Variants in SRSF7 observed in about 807,000 individuals in gnomAD.
SRSF7 encodes the protein serine and arginine rich splicing factor 7, also known as serine/arginine-rich splicing factor 7.
Under a neutral mutation model 42.2 loss-of-function variants are expected in SRSF7, and 15 were observed. The observed-to-expected ratio is 0.36, with a 90% CI of 0.24 to 0.55. The LOEUF is 0.55. Among genes scored for constraint, SRSF7 ranks in the 20% least tolerant of loss-of-function variants. SRSF7 has a pLI of 0.88. For synonymous variants in SRSF7, 138 were observed against 107.9 expected (o/e 1.28, Z -1.73); for missense variants, 181 against 305.9 (o/e 0.59, Z 3.04).
chr2:38,748,529 C>G, intron 4 of SRSF7, 50 bp downstream of exon 4: 1 of 1,557,480 alleles, frequency 6.4e-7, no homozygotes, highest in Non-Finnish European at 8.9e-7. Flanking sequence ...GTTGGACTAC[C>G]AGTGAATTTA....
intron 5 of SRSF7, among the ~76,000 whole-genome samples, chr2:38,747,562 C>T (rs146264632): frequency 1.3e-5 from 2 of 151,876 alleles, no homozygotes; most frequent in Admixed American, 1.3e-4. Context: ...AGGTCTGAAA[C>T]GGTCTAAAAA....
chr2:38,745,164 C>T lies in SRSF7; in HGVS notation c.686G>A (p.Arg229His). 16 of 1,614,124 alleles carry T rather than the reference C, an allele frequency of 9.9e-6. No homozygotes were observed. The highest frequency in any genetic ancestry group is 1.4e-5 in the Non-Finnish European group (16 of 1,179,998). The change falls in exon 8 of 8, where the codon CGC becomes CAC. Residue 229 changes from arginine to histidine, a missense_variant. Physicochemically the swap from Arg to His is conservative, Grantham distance 29 (BLOSUM62 0). Around this residue, in one of 2 missense-constraint regions of SRSF7, gnomAD observed 136 missense variants for 147.8 expected, o/e 0.92. Coordinates refer to ENST00000313117, the MANE Select transcript of SRSF7 (RefSeq NM_001031684.3). ...KRSRSPSGSPRRSASPERMD is the reference protein window; with the variant it reads ...KRSRSPSGSPHRSASPERMD ...CATTCTTTCAGGACTTGCACTTCTGCGAGGACTTCCTGATGGGGAACGACT... is the reference window on the plus strand; with the variant it reads ...CATTCTTTCAGGACTTGCACTTCTGTGAGGACTTCCTGATGGGGAACGACT...
At chr2:38,749,909 CTA>C (rs1668027452) in intron 2 of SRSF7, 103 bp downstream of exon 2, 10 of 1,338,464 alleles carry the variant, frequency 7.5e-6, no homozygotes, top group Non-Finnish European at 9.2e-6. Context: ...CTATGACCAG[CTA>C]TTTAAGGTCT....
chr2:38,751,313 G>A lies in SRSF7; in HGVS notation c.-57C>T. 9.9e-6 allele frequency: 16 copies of A among 1,612,116 alleles called. No individual in the cohort carries two copies. In the African/African-American group the frequency reaches 1.6e-4, roughly 16 times the overall value. ...AAGCAGCGCCCAGGGCTCGAGTGACGCAAAAGCTGACACACACCTTCACCC... is the reference window on the plus strand; with the variant it reads ...AAGCAGCGCCCAGGGCTCGAGTGACACAAAAGCTGACACACACCTTCACCC... On this transcript the variant is annotated 5_prime_UTR_variant, in exon 1 of 8. Coordinates refer to ENST00000313117, the MANE Select transcript of SRSF7 (RefSeq NM_001031684.3).
Position 38,749,526 on chromosome 2 carries a change from T to A in SRSF7, c.386+3A>T. The stretch of plus-strand genomic sequence containing the variant: ...CCAACCATTCCTTTATTAAAATAAA[T>A]ACCTGCTTCTTCTTCGCCGGCTGTA... On this transcript the variant is annotated splice_donor_region_variant and intron_variant, in intron 3 of 7. Coordinates refer to ENST00000313117, the MANE Select transcript of SRSF7 (RefSeq NM_001031684.3). The A allele has an allele frequency of 6.4e-7, 1 of 1,561,082 alleles. No homozygotes were observed.
intron 2 of SRSF7, 133 bp from the exon 3 acceptor site, chr2:38,749,838 C>T (rs1232619426): frequency 1.4e-5 from 18 of 1,273,652 alleles, no homozygotes; most frequent in Non-Finnish European, 1.9e-5. Context: ...GCGGTCTTTA[C>T]CAAGCCCTAA....
At chr2:38,748,852 T>G in intron 3 of SRSF7, 199 bp from the exon 4 acceptor site, 1 of 1,347,072 alleles carries the variant, frequency 7.4e-7, no homozygotes, top group East Asian at 2.6e-5. Context: ...AATTACAACT[T>G]AGCATTACAT....
At chr2:38,746,892 T>C in intron 5 of SRSF7, 145 bp from the exon 6 acceptor site, 2 of 1,374,822 alleles carry the variant, frequency 1.5e-6, no homozygotes, top group Non-Finnish European at 2.0e-6. Flanking sequence ...TCTAACACAC[T>C]GTCAAACAAA....
In SRSF7 at chr2:38,748,161, A is replaced by T; in HGVS notation, c.462-4T>A. On this transcript the variant is annotated splice_polypyrimidine_tract_variant and splice_region_variant and intron_variant, in intron 4 of 7. Transcript: ENST00000313117. ...TCGAGGAGATGCTGACCTTGACCTA[A>T]AATAAAGAACTTTAAGTCCATCTCC... 6.2e-7 allele frequency: 1 copy of T among 1,608,140 alleles called. No homozygotes were observed. Among genetic ancestry groups the T allele is most frequent in the Non-Finnish European group, 8.5e-7 (1 of 1,177,634 alleles).
chr2:38,748,100 T>C lies in SRSF7; in HGVS notation c.519A>G (p.Ser173=). The C allele has an allele frequency of 6.2e-7, 1 of 1,614,086 alleles. No individual in the cohort carries two copies. Among genetic ancestry groups the C allele is most frequent in the Non-Finnish European group, 8.5e-7 (1 of 1,179,972 alleles). Residue 173 remains serine, a synonymous_variant, in exon 5 of 8, where the codon TCA becomes TCG. Transcript: ENST00000313117. ...CAGACCTAGATCTTCTGAGTGAAGCTGATCTTGATCTACGAAGAGAGATAG... is the reference window on the plus strand; with the variant it reads ...CAGACCTAGATCTTCTGAGTGAAGCCGATCTTGATCTACGAAGAGAGATAG... ...SRSISLRRSR[S]ASLRRSRSGS...
chr2:38,748,957 G>A, intron 3 of SRSF7: 2 of 1,314,896 alleles, frequency 1.5e-6, no homozygotes, highest in Non-Finnish European at 2.0e-6. Context: ...AGACGATCTA[G>A]AAGTATCTAT....
Position 38,748,482 on chromosome 2 carries a change from G to A in SRSF7, c.461+97C>T, listed in dbSNP as rs535495517. ...TACTCCAGCCCGGGTGACAGAGCAA[G>A]ACCCTGTCTCCAAAAAAAATAATGA... is the stretch of plus-strand genomic sequence containing the variant. On this transcript the variant is annotated intron_variant, in intron 4 of 7. Coordinates refer to ENST00000313117, the MANE Select transcript of SRSF7 (RefSeq NM_001031684.3). 8 of 1,238,288 alleles carry A rather than the reference G, an allele frequency of 6.5e-6. No homozygotes were observed. The Admixed American group carries it at 1.4e-4, about 21-fold the overall frequency. 76.7% of individuals were successfully genotyped at this position (1,238,288 alleles called of 1,614,324 possible).
In SRSF7 at chr2:38,746,707, G is replaced by A; in HGVS notation, c.613C>T (p.Arg205Ter). 1 of 1,613,514 alleles carries A rather than the reference G, an allele frequency of 6.2e-7. No homozygotes were observed. The highest frequency in any genetic ancestry group is 1.3e-5 in the African/African-American group (1 of 75,038). The change falls in exon 6 of 8, where the codon CGA becomes TGA. Residue 205 changes from arginine (R) to a stop codon, truncating the protein, a stop_gained. Coordinates refer to ENST00000313117, the MANE Select transcript of SRSF7 (RefSeq NM_001031684.3). LOFTEE classifies it high-confidence loss of function. Reference protein sequence around the residue: ...RSRSRSRSISRPRSSRSKSRS... With the variant: ...RSRSRSRSIS Reference sequence around the variant, plus strand: ...TTTTTACCCTACCTGCTTCTTGGTCGTGAAATAGACCTGGATCTTGATCTT... The same window carrying A: ...TTTTTACCCTACCTGCTTCTTGGTCATGAAATAGACCTGGATCTTGATCTT...
At chr2:38,748,818 TA>T in intron 3 of SRSF7, 165 bp from the exon 4 acceptor site, 8 of 1,257,648 alleles carry the variant, frequency 6.4e-6, no homozygotes, top group Non-Finnish European at 5.3e-6. Context: ...TTTTACTACC[TA>T]AAAAAAGATT....
At chr2:38,746,064 G>A in intron 7 of SRSF7, 80 bp downstream of exon 7, 1 of 1,416,630 alleles carries the variant, frequency 7.1e-7, no homozygotes, top group Non-Finnish European at 1.0e-6. Flanking sequence ...AGAGCTCAAA[G>A]ACTGCAAAGC....
chr2:38,751,406 T>G, upstream of SRSF7: 3 of 1,012,852 alleles, frequency 3.0e-6, no homozygotes, highest in Non-Finnish European at 4.4e-6. Context: ...CCGCTGCGCT[T>G]TGCGCATGCG....
Position 38,745,094 on chromosome 2 carries a change from A to C in SRSF7, c.*39T>G. On this transcript the variant is annotated 3_prime_UTR_variant, in exon 8 of 8. Coordinates refer to ENST00000313117, the MANE Select transcript of SRSF7 (RefSeq NM_001031684.3). ...ATCACAAATCCCTTATAATAATGTA[A>C]ACAAAATAACTTTTCCCTAAAGGGT... 6.2e-7 allele frequency: 1 copy of C among 1,607,428 alleles called. No homozygotes were observed. The highest frequency in any genetic ancestry group is 8.5e-7 in the Non-Finnish European group (1 of 1,174,596).
At chr2:38,750,315 A>G in intron 1 of SRSF7, 121 bp from the exon 2 acceptor site, 1 of 813,138 alleles carries the variant, frequency 1.2e-6, no homozygotes, top group Non-Finnish European at 1.9e-6. Context: ...AATGCCCTCT[A>G]TCCAAGACAA....
At chr2:38,747,187 G>T (rs1490164972) in intron 5 of SRSF7, 1 of 421,652 alleles carries the variant, frequency 2.4e-6, no homozygotes, top group East Asian at 7.3e-5. Flanking sequence ...AGGTGATAAG[G>T]CCAGACGAAA....
Sources: allele counts gnomAD v4.1 joint callset (sites outside exome capture counted in the v4.1 genomes callset), GRCh38; gene constraint gnomAD v4.1.1; regional missense constraint gnomAD v4.1.1; transcripts MANE v1.5; gene names NCBI Gene and HGNC (gene_info 2026-07-23, HGNC 2026-07-21).